Variants in COL25A1 observed in about 807,000 individuals in gnomAD.
The protein encoded by COL25A1 is collagen alpha-1(XXV) chain.
In COL25A1, 103 loss-of-function variants were observed where a neutral mutation model predicts 128.4. The ratio of observed to expected loss-of-function variants is 0.80; its 90% confidence interval spans 0.68 to 0.94. The LOEUF is 0.94. Among genes scored for constraint, COL25A1 ranks in the 40% least tolerant of loss-of-function variants. The pLI is 0.00. For synonymous variants in COL25A1, 279 were observed against 277.2 expected, an observed-to-expected ratio of 1.01 and a Z score of -0.06; for missense variants, 745 against 840.0, an observed-to-expected ratio of 0.89 and a Z score of 1.40.
At chr4:108,840,108 G>C (rs1734266718) in intron 31 of COL25A1, among the ~76,000 whole-genome samples, 1 of 151,982 alleles carries the variant, frequency 6.6e-6, no homozygotes, top group African/African-American at 2.4e-5. Flanking sequence ...CGGGCATGGT[G>C]GTGGGTGCCT....
At chr4:109,118,746 T>C (rs970516992) in intron 3 of COL25A1, among the ~76,000 whole-genome samples, 12 of 152,114 alleles carry the variant, frequency 7.9e-5, no homozygotes, top group African/African-American at 2.6e-4. Context: ...ACTGATAGAA[T>C]TGCAAGAAGA....
At chr4:109,164,410 A>ATTTGTTTG (rs4036264) in intron 3 of COL25A1, among the ~76,000 whole-genome samples, 5 of 150,596 alleles carry the variant, frequency 3.3e-5, no homozygotes, top group South Asian at 4.2e-4. Context: ...CAAGAAATAC[A>ATTTGTTTG]TTTGTTTGTT....
chr4:109,104,844 A>C (rs1766265987), intron 3 of COL25A1, among the ~76,000 whole-genome samples: 1 of 152,264 alleles, frequency 6.6e-6, no homozygotes, highest in African/African-American at 2.4e-5. Flanking sequence ...AAACACAATC[A>C]GAAAGAGGAA....
intron 35 of COL25A1, 66 bp from the exon 36 acceptor site, chr4:108,819,395 A>G (rs1461953915): frequency 1.5e-6 from 2 of 1,300,090 alleles, no homozygotes; most frequent in Non-Finnish European, 2.2e-6. Context: ...AATTCTGCGA[A>G]AGAAGTAACT....
At chr4:108,903,064 A>G (rs1197030429) in intron 13 of COL25A1, among the ~76,000 whole-genome samples, 1 of 151,968 alleles carries the variant, frequency 6.6e-6, no homozygotes, top group Non-Finnish European at 1.5e-5. Flanking sequence ...AGTTTTTTAA[A>G]AAATAAATGG....
At chr4:108,927,221 G>A (rs1578790363) in intron 11 of COL25A1, among the ~76,000 whole-genome samples, 1 of 151,952 alleles carries the variant, frequency 6.6e-6, no homozygotes, top group East Asian at 1.9e-4. Flanking sequence ...GACAAAGCTT[G>A]TTTTTTTCCT....
At chr4:108,977,142 A>G (rs1002427463) in intron 6 of COL25A1, among the ~76,000 whole-genome samples, 5 of 152,186 alleles carry the variant, frequency 3.3e-5, no homozygotes, top group African/African-American at 1.2e-4. Context: ...AACAAGCGCC[A>G]TCTAAAATGC....
At chr4:109,251,852 C>T (rs1780669901) in intron 3 of COL25A1, among the ~76,000 whole-genome samples, 1 of 152,190 alleles carries the variant, frequency 6.6e-6, no homozygotes. Flanking sequence ...ATATATTTAA[C>T]ACTGATTCAG....
chr4:109,137,370 T>C (rs1199114099), intron 3 of COL25A1, among the ~76,000 whole-genome samples: 1 of 152,204 alleles, frequency 6.6e-6, no homozygotes, highest in East Asian at 1.9e-4. Context: ...TAAAGTTCAA[T>C]ATCCTGTATA....
intron 3 of COL25A1, among the ~76,000 whole-genome samples, chr4:109,128,101 G>A (rs914498685): frequency 1.3e-5 from 2 of 152,106 alleles, no homozygotes; most frequent in African/African-American, 2.4e-5. Context: ...TAAGCAAGAA[G>A]GTAACAGTAG....
chr4:109,115,852 G>T (rs1034281967), intron 3 of COL25A1, among the ~76,000 whole-genome samples: 2 of 151,934 alleles, frequency 1.3e-5, no homozygotes, highest in Non-Finnish European at 2.9e-5. Flanking sequence ...CTGCTGCCAA[G>T]ATGACATCTC....
intron 8 of COL25A1, among the ~76,000 whole-genome samples, chr4:108,950,342 G>A (rs1022302072): frequency 6.6e-6 from 1 of 152,068 alleles, no homozygotes; most frequent in Non-Finnish European, 1.5e-5. Flanking sequence ...CAGAGAAATG[G>A]CCATGTGACG....
intron 32 of COL25A1, 132 bp from the exon 33 acceptor site, chr4:108,827,320 G>A: frequency 1.3e-6 from 1 of 765,464 alleles, no homozygotes; most frequent in South Asian, 1.6e-5. Flanking sequence ...GCCTCTTGCA[G>A]AGTCACTGCC....
At chr4:108,868,983 A>G in intron 20 of COL25A1, 105 bp downstream of exon 20, 1 of 679,168 alleles carries the variant, frequency 1.5e-6, no homozygotes, top group Admixed American at 2.9e-5. Flanking sequence ...GAAAGGAAGA[A>G]AGACAATAAA....
At chr4:109,105,581 AATCTTG>A (rs1766350825) in intron 3 of COL25A1, among the ~76,000 whole-genome samples, 1 of 149,412 alleles carries the variant, frequency 6.7e-6, no homozygotes, top group Non-Finnish European at 1.5e-5. Context: ...TTCATTAAAT[AATCTTG>A]TTGGTGACAA....
chr4:109,150,105 G>A (rs1475533549), intron 3 of COL25A1, among the ~76,000 whole-genome samples: 1 of 151,734 alleles, frequency 6.6e-6, no homozygotes, highest in East Asian at 1.9e-4. Context: ...GTGTGTGTGT[G>A]AACATGTGAT....
At chr4:108,862,667 C>T (rs1436957844) in intron 21 of COL25A1, 122 bp from the exon 22 acceptor site, 1 of 768,960 alleles carries the variant, frequency 1.3e-6, no homozygotes, top group Non-Finnish European at 2.3e-6. Context: ...TTTTAACTGC[C>T]TCAATATATG....
At position 109,106,767 on chromosome 4, in the gene COL25A1, T is replaced by A. The variant is rs569024322; in HGVS notation, c.368-56588A>T. 1.9e-3 allele frequency among the ~76,000 whole-genome samples: 282 copies of A among 148,756 alleles called. 2 individuals are homozygous for A. Among genetic ancestry groups the A allele is most frequent in the South Asian group, 8.8e-3 (41 of 4,664 alleles). ...ATTCCCAATATCCATTTTAAAAAAA[T>A]TTTTTGGGGGGGTGGGAGGGGGCAG... On this transcript the variant is annotated intron_variant, in intron 3 of 37. Transcript: ENST00000399132.
In COL25A1 at chr4:109,050,193, G is replaced by C. The variant is rs1296662045; in HGVS notation, c.368-14C>G. 5.0e-6 allele frequency: 8 copies of C among 1,601,782 alleles called. No homozygotes were observed. Among genetic ancestry groups the C allele is most frequent in the Non-Finnish European group, 6.0e-6 (7 of 1,172,488 alleles). ...TCCCTGGAGGGCCTGAAATACAAAG[G>C]ATAATTTTTTTAGTGTAGTTTAATT... On this transcript the variant is annotated splice_polypyrimidine_tract_variant and intron_variant, in intron 3 of 37. Coordinates refer to ENST00000399132, the MANE Select transcript of COL25A1 (RefSeq NM_198721.4).
Sources: gnomAD v4.1 joint callset for allele counts (sites outside exome capture counted in the v4.1 genomes callset) on GRCh38, gnomAD v4.1.1 for gene constraint, MANE v1.5 for transcripts, NCBI Gene and HGNC (gene_info 2026-07-23, HGNC 2026-07-21) for gene names.